AFAP1: variants seen among roughly 807,000 people sequenced by gnomAD.
The protein encoded by AFAP1 is actin filament-associated protein 1.
AFAP1 carries 75 observed loss-of-function variants against 93.9 expected under a neutral mutation model. The observed-to-expected ratio is 0.80, with a 90% CI of 0.66 to 0.97. The LOEUF (loss-of-function observed/expected upper bound fraction) is 0.97. Among genes scored for constraint, AFAP1 ranks in the 50% least tolerant of loss-of-function variants. The pLI is 0.00. For missense variants in AFAP1, 1,201 were observed against 1,050.8 expected, an observed-to-expected ratio of 1.14 and a Z score of -1.98; for synonymous variants, 517 against 430.7, an observed-to-expected ratio of 1.20 and a Z score of -2.48.
intron 1 of AFAP1, among the ~76,000 whole-genome samples, chr4:7,918,757 G>A (rs1368358319): frequency 1.5e-5 from 2 of 134,004 alleles, no homozygotes; most frequent in African/African-American, 6.1e-5. Flanking sequence ...CAAGAAACAG[G>A]GCTGCCAGAA....
chr4:7,792,525 T>C (rs1355391255), intron 11 of AFAP1, among the ~76,000 whole-genome samples: 6 of 152,344 alleles, frequency 3.9e-5, no homozygotes, highest in East Asian at 1.9e-4. Flanking sequence ...TGGGTGTAGC[T>C]AGCTCATTTT....
In AFAP1 at chr4:7,929,554, C is replaced by G. The variant is rs535553458; in HGVS notation, c.-3+10102G>C. ...AAAGTCCAACTCAAATACACCTCCT[C>G]TGTGATGCCTGCCCCCCTTCCTCCC... On this transcript the variant is annotated intron_variant, in intron 1 of 17. Transcript: ENST00000420658. Among the ~76,000 whole-genome samples the G allele has an allele frequency of 4.6e-5, 7 of 152,330 alleles. No individual in the cohort carries two copies. The South Asian group carries it at 1.5e-3, about 32-fold the overall frequency.
chr4:7,820,825 T>C (rs895735698), intron 6 of AFAP1, among the ~76,000 whole-genome samples: 3 of 152,152 alleles, frequency 2.0e-5, no homozygotes, highest in Non-Finnish European at 4.4e-5. Flanking sequence ...TCAGTAAGAC[T>C]ATCTGTTACC....
chr4:7,788,789 C>T (rs184260435), intron 11 of AFAP1: 57 of 128,850 alleles, frequency 4.4e-4, no homozygotes, highest in African/African-American at 1.9e-3. Flanking sequence ...GCCACAGGGA[C>T]CATCCCCTCC....
Position 7,884,562 on chromosome 4 carries a change from C to T in AFAP1, c.-2-12482G>A, listed in dbSNP as rs9760877. On this transcript the variant is annotated intron_variant, in intron 1 of 17. Transcript: ENST00000420658. The stretch of plus-strand genomic sequence containing the variant: ...ACAGAATAAAAAGTCCAGTAATAGA[C>T]CCAAATACACACAGAAATATAAGAA... 3.6e-3 allele frequency among the ~76,000 whole-genome samples: 553 copies of T among 152,230 alleles called. 1 individual carries two copies. The highest frequency in any genetic ancestry group is 0.013 in the African/African-American group (527 of 41,550).
intron 17 of AFAP1, 44 bp from the exon 18 acceptor site, chr4:7,763,835 C>T: frequency 6.5e-7 from 1 of 1,549,066 alleles, no homozygotes; most frequent in Non-Finnish European, 8.7e-7. Flanking sequence ...GCAAGAGGAT[C>T]AGGCTGGGAC....
rs140101559 is a variant in AFAP1 at position 7,779,205 on chromosome 4, A to G, written c.1783-329T>C. On this transcript the variant is annotated intron_variant, in intron 13 of 17. Transcript: ENST00000420658. ...GACTACCCCAGAGCACTCAGATGAG[A>G]GGAGTAGTTTGTGTTTCTGAGGATA... is the stretch of plus-strand genomic sequence containing the variant. The G allele has an allele frequency of 4.2e-4, 106 of 252,298 alleles. 1 individual carries two copies. The East Asian group carries it at 0.01, about 25-fold the overall frequency. The allele number at this position is 252,298 out of a possible 1,614,324, so 15.6% of individuals were successfully genotyped here.
intron 1 of AFAP1, among the ~76,000 whole-genome samples, chr4:7,880,872 C>T (rs753849815): frequency 3.6e-4 from 55 of 152,280 alleles, no homozygotes; most frequent in Non-Finnish European, 6.5e-4. Flanking sequence ...CTGAGAAACA[C>T]GGGGAAAGTT....
intron 3 of AFAP1, among the ~76,000 whole-genome samples, chr4:7,866,746 A>T (rs1716442340): frequency 6.6e-6 from 1 of 152,100 alleles, no homozygotes; most frequent in South Asian, 2.1e-4. Context: ...ATCTAAAAAC[A>T]GCAAATGAGG....
In AFAP1 at chr4:7,763,812, G is replaced by A. The variant is rs1216130947; in HGVS notation, c.2419-21C>T. On this transcript the variant is annotated intron_variant, in intron 17 of 17. Coordinates refer to ENST00000420658, the MANE Select transcript of AFAP1 (RefSeq NM_001134647.2). Reference sequence around the variant, plus strand: ...CATTCCTAGAGGAAAGGAGAGTCTTGTAAGTGGACAGGGCAAGAGGATCAG... The same window carrying A: ...CATTCCTAGAGGAAAGGAGAGTCTTATAAGTGGACAGGGCAAGAGGATCAG... 71 of 1,551,356 alleles carry A rather than the reference G, an allele frequency of 4.6e-5. No individual in the cohort carries two copies. The East Asian group carries it at 4.6e-4, about 10-fold the overall frequency.
intron 1 of AFAP1, among the ~76,000 whole-genome samples, chr4:7,932,216 A>AG (rs1721109123): frequency 1.4e-5 from 2 of 146,160 alleles, no homozygotes; most frequent in African/African-American, 2.5e-5. Context: ...TTTATTGCAC[A>AG]GGAAAAAAAA....
rs1714156216 is a variant in AFAP1, at chr4:7,763,853, G to A, written c.2419-62C>T. ...AGAGGATCAGGCTGGGACAAGCCAC[G>A]CCACCATCCACATTCAACTCAGAGG... On this transcript the variant is annotated intron_variant, in intron 17 of 17. Transcript: ENST00000420658. The A allele has an allele frequency of 1.3e-5, 19 of 1,519,534 alleles. No individual in the cohort carries two copies. In the South Asian group the frequency reaches 1.3e-4, roughly 11 times the overall value. 94.1% of individuals were successfully genotyped at this position (1,519,534 alleles called of 1,614,324 possible). A position where few individuals can be genotyped will look rare whatever the true frequency, so the allele number is the denominator to read the frequency against.
At chr4:7,936,874 C>T (rs1001558394) in intron 1 of AFAP1, among the ~76,000 whole-genome samples, 1 of 152,210 alleles carries the variant, frequency 6.6e-6, no homozygotes, top group African/African-American at 2.4e-5. Flanking sequence ...AGCCACCACA[C>T]CTGGCCACAA....
chr4:7,800,718 G>C (rs1195554949), intron 9 of AFAP1, 65 bp from the exon 10 acceptor site: 1 of 1,533,912 alleles, frequency 6.5e-7, no homozygotes, highest in African/African-American at 1.4e-5. Context: ...AAGACGTCTA[G>C]GGTCACACTG....
chr4:7,920,585 CAA>C (rs1720384400), intron 1 of AFAP1, among the ~76,000 whole-genome samples: 1 of 152,156 alleles, frequency 6.6e-6, no homozygotes, highest in African/African-American at 2.4e-5. Flanking sequence ...CCCCAATCTT[CAA>C]AGTTATACGG....
chr4:7,790,275 G>A (rs1356267678), intron 11 of AFAP1, among the ~76,000 whole-genome samples: 2 of 152,148 alleles, frequency 1.3e-5, no homozygotes, highest in African/African-American at 4.8e-5. Flanking sequence ...CTAACTGACA[G>A]CTCCTATAAA....
chr4:7,814,817 G>C (rs1720336428), intron 8 of AFAP1, among the ~76,000 whole-genome samples: 1 of 152,024 alleles, frequency 6.6e-6, no homozygotes, highest in East Asian at 1.9e-4. Flanking sequence ...TCCGTGTCTT[G>C]ATTGTGGTGA....
At position 7,868,563 on chromosome 4, in the gene AFAP1, C is replaced by G. The variant is rs1716686329; in HGVS notation, c.225+59G>C. The G allele has an allele frequency of 2.0e-6, 3 of 1,486,548 alleles. No homozygotes were observed. The Admixed American group carries it at 5.6e-5, about 28-fold the overall frequency. The allele number at this position is 1,486,548 out of a possible 1,614,324, so 92.1% of individuals were successfully genotyped here. Reference sequence around the variant, plus strand: ...GGGCTTCCATCACAGGCCCCTGGAGCCCGTAAGTACCCCCAGGCCTCCAGC... The same window carrying G: ...GGGCTTCCATCACAGGCCCCTGGAGGCCGTAAGTACCCCCAGGCCTCCAGC... On this transcript the variant is annotated intron_variant, in intron 3 of 17. Coordinates refer to ENST00000420658, the MANE Select transcript of AFAP1 (RefSeq NM_001134647.2).
intron 17 of AFAP1, among the ~76,000 whole-genome samples, chr4:7,767,908 C>T (rs893916238): frequency 6.6e-6 from 1 of 152,104 alleles, no homozygotes; most frequent in African/African-American, 2.4e-5. Context: ...AACCTCATCT[C>T]TATAAAGAAT....
Sources: gnomAD v4.1 joint callset for allele counts (sites outside exome capture counted in the v4.1 genomes callset) on GRCh38, gnomAD v4.1.1 for gene constraint, MANE v1.5 for transcripts, NCBI Gene and HGNC (gene_info 2026-07-23, HGNC 2026-07-21) for gene names.